Variants in MED15 observed in about 807,000 individuals in gnomAD.
MED15 encodes the protein mediator of RNA polymerase II transcription subunit 15.
Under a neutral mutation model 118.7 loss-of-function variants are expected in MED15, and 41 were observed. The observed-to-expected ratio is 0.35, with a 90% CI of 0.27 to 0.45. The LOEUF (loss-of-function observed/expected upper bound fraction) is 0.45. Among genes scored for constraint, MED15 ranks in the 20% least tolerant of loss-of-function variants. The pLI is 1.00. For synonymous variants in MED15, 436 were observed against 413.9 expected, an observed-to-expected ratio of 1.05 and a Z score of -0.65; for missense variants, 740 against 1,025.5, an observed-to-expected ratio of 0.72 and a Z score of 3.80.
intron 7 of MED15, among the ~76,000 whole-genome samples, chr22:20,568,173 A>G (rs1026791185): frequency 5.3e-5 from 8 of 152,156 alleles, no homozygotes; most frequent in Non-Finnish European, 1.0e-4. Context: ...CTTTCCTTCA[A>G]GGAATCAGGC....
chr22:20,518,019 T>A (rs1001852674), intron 1 of MED15, among the ~76,000 whole-genome samples: 1 of 123,684 alleles, frequency 8.1e-6, no homozygotes, highest in African/African-American at 3.3e-5. Flanking sequence ...AGACCAACAG[T>A]GGGAGCTTGG....
chr22:20,521,088 A>ATTT (rs924603121), intron 1 of MED15, among the ~76,000 whole-genome samples: 2,901 of 61,518 alleles, frequency 0.047, 528 homozygotes, highest in East Asian at 0.24. Flanking sequence ...CAGTTGTTCT[A>ATTT]TTTTTTTTTT....
intron 9 of MED15, among the ~76,000 whole-genome samples, chr22:20,576,786 T>G (rs1336202324): frequency 6.6e-6 from 1 of 152,114 alleles, no homozygotes; most frequent in East Asian, 1.9e-4. Flanking sequence ...AGGCTGTGAG[T>G]TCCACGACCT....
intron 8 of MED15, among the ~76,000 whole-genome samples, chr22:20,569,069 G>A (rs971575430): frequency 6.6e-6 from 1 of 152,186 alleles, no homozygotes; most frequent in Non-Finnish European, 1.5e-5. Context: ...CGTGGGAGAA[G>A]GCATCCTGGT....
At position 20,537,198 on chromosome 22, in the gene MED15, G is replaced by T; in HGVS notation, c.150G>T (p.Lys50Asn). Residue 50 changes from lysine to asparagine, a missense_variant, in exon 2 of 18, where the codon AAG becomes AAT. Physicochemically the swap from Lys to Asn is moderately conservative, Grantham distance 94. Coordinates refer to ENST00000263205, the MANE Select transcript of MED15 (RefSeq NM_001003891.3). ...DMESHVFLKA[K>N]TRDEYLSLVA... is the part of the protein sequence containing the mutation. The stretch of plus-strand genomic sequence containing the variant: ...AGAGCCATGTTTTCCTGAAGGCCAA[G>T]ACCCGGGTAAGGCCCTAGTAAGTGG... 1 of 1,612,878 alleles carries T rather than the reference G, an allele frequency of 6.2e-7. No individual in the cohort carries two copies. Among genetic ancestry groups the T allele is most frequent in the Non-Finnish European group, 8.5e-7 (1 of 1,179,594 alleles).
At chr22:20,537,720 G>T (rs928408688) in intron 2 of MED15, among the ~76,000 whole-genome samples, 6 of 152,216 alleles carry the variant, frequency 3.9e-5, no homozygotes, top group African/African-American at 1.4e-4. Flanking sequence ...CCCTGGGTGG[G>T]GCACCACACT....
chr22:20,546,523 T>G (rs1398362418), intron 2 of MED15, among the ~76,000 whole-genome samples: 1 of 151,030 alleles, frequency 6.6e-6, no homozygotes, highest in African/African-American at 2.4e-5. Flanking sequence ...TTTTTTTTTT[T>G]TGTCAAGAAA....
At chr22:20,522,267 A>G (rs1181220800) in intron 1 of MED15, 1 of 152,194 alleles carries the variant, frequency 6.6e-6, no homozygotes, top group Non-Finnish European at 1.5e-5. Context: ...TCTGCTGAAC[A>G]GTGTTCCCAA....
chr22:20,534,872 C>G (rs530402411), intron 1 of MED15, among the ~76,000 whole-genome samples: 2 of 152,236 alleles, frequency 1.3e-5, no homozygotes, highest in Non-Finnish European at 2.9e-5. Flanking sequence ...ACCTTTCTTA[C>G]TTGTCTGTTC....
At chr22:20,567,315 T>C (rs1019852412) in intron 7 of MED15, among the ~76,000 whole-genome samples, 1 of 152,260 alleles carries the variant, frequency 6.6e-6, no homozygotes, top group Non-Finnish European at 1.5e-5. Context: ...CTGTTATTCC[T>C]AGTTTCATTT....
chr22:20,517,280 A>G (rs1337440794), intron 1 of MED15, among the ~76,000 whole-genome samples: 7 of 152,032 alleles, frequency 4.6e-5, no homozygotes, highest in African/African-American at 1.7e-4. Flanking sequence ...GTGGCTGCCC[A>G]CTGTCTGTGG....
In MED15 at chr22:20,566,520, ACAGCAACAGCAGCAGCAGCAGCAG is replaced by A. The variant is rs2056445855; in HGVS notation, c.750_773del (p.Gln255_Gln262del). On this transcript the variant is annotated inframe_deletion, in exon 7 of 18. Coordinates refer to ENST00000263205, the MANE Select transcript of MED15 (RefSeq NM_001003891.3). The stretch of plus-strand genomic sequence containing the variant: ...GAATAGCACAGCTGCAGCTCCAACA[ACAGCAACAGCAGCAGCAGCAGCAG>A]CAGCAGCAGCAGCAGCAGGCTTTGC... 1.9e-6 allele frequency: 3 copies of A among 1,603,384 alleles called. No individual in the cohort carries two copies. Among genetic ancestry groups the A allele is most frequent in the Admixed American group, 3.4e-5 (2 of 59,558 alleles).
rs1257161585 is a variant in MED15, at chr22:20,566,697, G to A, written c.921G>A (p.Gln307=). ...ACCAGCCGCCACCACAGCCCCAGCAGCCTCCAGTTGCTCAGAACCAACCAT... is the reference window on the plus strand; with the variant it reads ...ACCAGCCGCCACCACAGCCCCAGCAACCTCCAGTTGCTCAGAACCAACCAT... ...QHHQPPPQPQ[Q]PPVAQNQPSQ... Residue 307 remains glutamine, a synonymous_variant, in exon 7 of 18, where the codon CAG becomes CAA. Coordinates refer to ENST00000263205, the MANE Select transcript of MED15 (RefSeq NM_001003891.3). 4 of 1,614,166 alleles carry A rather than the reference G, an allele frequency of 2.5e-6. No homozygotes were observed. In the Admixed American group the frequency reaches 5.0e-5, roughly 20 times the overall value.
chr22:20,563,231 TA>T (rs1204618541), intron 5 of MED15, among the ~76,000 whole-genome samples: 1 of 152,142 alleles, frequency 6.6e-6, no homozygotes, highest in African/African-American at 2.4e-5. Flanking sequence ...AAACCTCGCA[TA>T]AAAACCCATG....
intron 1 of MED15, among the ~76,000 whole-genome samples, chr22:20,528,075 T>C (rs1240139903): frequency 2.0e-5 from 3 of 152,134 alleles, no homozygotes; most frequent in African/African-American, 4.8e-5. Flanking sequence ...ATTCTACATT[T>C]CCTTCTTCTT....
chr22:20,583,288 C>A (rs1215026093), intron 12 of MED15, 41 bp downstream of exon 12: 8 of 1,613,354 alleles, frequency 5.0e-6, no homozygotes, highest in Non-Finnish European at 6.8e-6. Context: ...CCTGGGGACA[C>A]CACCAGGCTT....
chr22:20,555,521 G>A (rs2055963132), intron 5 of MED15, among the ~76,000 whole-genome samples: 1 of 152,200 alleles, frequency 6.6e-6, no homozygotes, highest in Non-Finnish European at 1.5e-5. Context: ...CGAGCTCTGG[G>A]CACCATCTCT....
intron 1 of MED15, among the ~76,000 whole-genome samples, chr22:20,530,512 G>A (rs1242931080): frequency 1.3e-5 from 2 of 151,882 alleles, no homozygotes; most frequent in African/African-American, 4.8e-5. Flanking sequence ...GCTGTCCTGG[G>A]AATTCATGCC....
intron 5 of MED15, among the ~76,000 whole-genome samples, chr22:20,561,650 A>G (rs2056246319): frequency 6.6e-6 from 1 of 152,244 alleles, no homozygotes; most frequent in African/African-American, 2.4e-5. Flanking sequence ...TGGAAATGAA[A>G]CAGCACAGTT....
Sources: gnomAD v4.1 joint callset for allele counts (sites outside exome capture counted in the v4.1 genomes callset) on GRCh38, gnomAD v4.1.1 for gene constraint, MANE v1.5 for transcripts, NCBI Gene and HGNC (gene_info 2026-07-23, HGNC 2026-07-21) for gene names.